Variants in TRPM1 observed in about 807,000 individuals in gnomAD.
The protein encoded by TRPM1 is transient receptor potential cation channel subfamily M member 1.
TRPM1 carries 113 observed loss-of-function variants against 149.4 expected under a neutral mutation model. The ratio of observed to expected loss-of-function variants is 0.76; its 90% CI spans 0.65 to 0.88. The LOEUF (loss-of-function observed/expected upper bound fraction) is 0.88. Among genes scored for constraint, TRPM1 ranks in the 40% least tolerant of loss-of-function variants. TRPM1 has a pLI of 0.00. For synonymous variants in TRPM1, 741 were observed against 759.5 expected, an observed-to-expected ratio of 0.98 and a Z score of 0.40; for missense variants, 1,976 against 2,038.7, an observed-to-expected ratio of 0.97 and a Z score of 0.59.
At chr15:31,048,083 T>C (rs2033832486) in intron 13 of TRPM1, 144 bp from the exon 14 acceptor site, 2 of 746,214 alleles carry the variant, frequency 2.7e-6, no homozygotes, top group Admixed American at 1.8e-5. Flanking sequence ...GCCAACATGG[T>C]GAAACCCCAT....
intron 1 of TRPM1, among the ~76,000 whole-genome samples, chr15:31,099,256 T>G (rs919108886): frequency 6.6e-6 from 1 of 152,178 alleles, no homozygotes; most frequent in African/African-American, 2.4e-5. Flanking sequence ...AACATGTCTC[T>G]TGCTACTGTC....
chr15:31,149,744 C>T (rs1332717807), intron 1 of TRPM1, among the ~76,000 whole-genome samples: 7 of 152,068 alleles, frequency 4.6e-5, no homozygotes, highest in South Asian at 2.1e-4. Context: ...TGGTCTCGAT[C>T]TCCTGACCTT....
In TRPM1 at chr15:31,068,744, C is replaced by CAAAAAAAAAA. The variant is rs60411633; in HGVS notation, c.280-662_280-653dup. ...GGGCAACAAGATCGAAACTCCAACT[C>CAAAAAAAAAA]AAAAAAAAAAAAAAAAAAAAAAAAA... On this transcript the variant is annotated intron_variant, in intron 4 of 27. Transcript: ENST00000256552. Among the ~76,000 whole-genome samples the CAAAAAAAAAA allele has an allele frequency of 2.7e-4, 16 of 60,204 alleles. 1 individual carries two copies. The highest frequency in any genetic ancestry group is 3.6e-4 in the Non-Finnish European group (12 of 33,542). The allele number at this position is 60,204 out of a possible 152,430, so 39.5% of individuals were successfully genotyped here. A position where few individuals can be genotyped will look rare whatever the true frequency, so the allele number is the denominator to read the frequency against.
intron 1 of TRPM1, among the ~76,000 whole-genome samples, chr15:31,090,816 AG>A: frequency 6.6e-6 from 1 of 152,108 alleles, no homozygotes; most frequent in Non-Finnish European, 1.5e-5. Flanking sequence ...CTTGGGCTTT[AG>A]ACGTACCTGA....
At chr15:31,122,824 T>C (rs1183642051) in intron 1 of TRPM1, among the ~76,000 whole-genome samples, 2 of 152,190 alleles carry the variant, frequency 1.3e-5, no homozygotes, top group African/African-American at 2.4e-5. Flanking sequence ...TCAGGGGGGA[T>C]ACTGACAAAC....
At chr15:31,107,093 G>A (rs1037060733) in intron 1 of TRPM1, among the ~76,000 whole-genome samples, 6 of 152,088 alleles carry the variant, frequency 3.9e-5, no homozygotes, top group African/African-American at 1.2e-4. Flanking sequence ...ATGACTCCCC[G>A]CCACTTATAT....
chr15:31,084,186 C>G (rs1164958499), intron 1 of TRPM1, among the ~76,000 whole-genome samples: 1 of 152,138 alleles, frequency 6.6e-6, no homozygotes, highest in Non-Finnish European at 1.5e-5. Flanking sequence ...TTTCTTTGTA[C>G]TTTCTTTTTT....
Position 31,031,172 on chromosome 15 carries a change from C to T in TRPM1, c.2953-15G>A, listed in dbSNP as rs1464194627. The T allele has an allele frequency of 6.2e-7, 1 of 1,614,088 alleles. No individual in the cohort carries two copies. Among genetic ancestry groups the T allele is most frequent in the African/African-American group, 1.3e-5 (1 of 74,918 alleles). On this transcript the variant is annotated splice_polypyrimidine_tract_variant and intron_variant, in intron 22 of 27. Transcript: ENST00000256552. ...ATGTCGATCATCTGAGTAAGGAGAA[C>T]ATTTGTCTCTCACTGTCTTGGCTTG...
At chr15:31,153,939 C>T (rs1335649079) in intron 1 of TRPM1, among the ~76,000 whole-genome samples, 1 of 152,196 alleles carries the variant, frequency 6.6e-6, no homozygotes, top group Non-Finnish European at 1.5e-5. Flanking sequence ...TCCTGCTTCC[C>T]AGGACTGGGG....
intron 14 of TRPM1, among the ~76,000 whole-genome samples, chr15:31,047,608 C>A (rs574962698): frequency 6.6e-6 from 1 of 152,200 alleles, no homozygotes; most frequent in Non-Finnish European, 1.5e-5. Context: ...CAGGCCACCC[C>A]CTTCCCCAAC....
intron 2 of TRPM1, among the ~76,000 whole-genome samples, chr15:31,077,971 T>C (rs1307942297): frequency 1.3e-5 from 2 of 152,082 alleles, no homozygotes; most frequent in Non-Finnish European, 2.9e-5. Context: ...TGCATGACTA[T>C]GACCTGTGTA....
At chr15:31,109,432 C>A (rs1338199775) in intron 1 of TRPM1, among the ~76,000 whole-genome samples, 5 of 150,560 alleles carry the variant, frequency 3.3e-5, no homozygotes, top group African/African-American at 1.2e-4. Flanking sequence ...TGCAGTGGCT[C>A]ACGCCTGTAA....
At chr15:31,079,050 A>G (rs377297368) in intron 2 of TRPM1, among the ~76,000 whole-genome samples, 10 of 152,340 alleles carry the variant, frequency 6.6e-5, no homozygotes, top group African/African-American at 2.4e-4. Context: ...GAAGGTCACA[A>G]TGAACCTTGT....
chr15:31,161,069 G>A (rs2036439426), exon 1 of TRPM1: 1 of 1,122,888 alleles, frequency 8.9e-7, no homozygotes, highest in Non-Finnish European at 1.3e-6. Context: ...ACACTCGGCG[G>A]CAGCCCCACA....
At chr15:31,047,277 C>G (rs200906252) in intron 14 of TRPM1, 26 bp from the exon 15 acceptor site, 3 of 1,614,034 alleles carry the variant, frequency 1.9e-6, no homozygotes, top group African/African-American at 2.7e-5. Flanking sequence ...GGTCTCAGGC[C>G]CTGTGAGAAT....
chr15:31,099,050 C>A (rs2035457540), intron 1 of TRPM1, among the ~76,000 whole-genome samples: 1 of 152,168 alleles, frequency 6.6e-6, no homozygotes, highest in Non-Finnish European at 1.5e-5. Context: ...TATGTGCTTT[C>A]TACAAGAGGC....
intron 1 of TRPM1, among the ~76,000 whole-genome samples, chr15:31,149,159 C>T (rs961808410): frequency 1.2e-4 from 18 of 152,136 alleles, no homozygotes; most frequent in African/African-American, 3.6e-4. Context: ...GCTGGGGAGG[C>T]CAGGCAAGAA....
At chr15:31,064,277 T>C (rs1320732840) in intron 7 of TRPM1, among the ~76,000 whole-genome samples, 1 of 152,170 alleles carries the variant, frequency 6.6e-6, no homozygotes, top group East Asian at 1.9e-4. Flanking sequence ...GTGCAGATCT[T>C]GGACGCAGCC....
chr15:31,148,085 T>A (rs1225608985), intron 1 of TRPM1, among the ~76,000 whole-genome samples: 1 of 152,188 alleles, frequency 6.6e-6, no homozygotes, highest in Non-Finnish European at 1.5e-5. Flanking sequence ...GCACAGAGAT[T>A]GTGCAGTTTG....
Sources: allele counts gnomAD v4.1 joint callset (sites outside exome capture counted in the v4.1 genomes callset), GRCh38; gene constraint gnomAD v4.1.1; transcripts MANE v1.5; gene names NCBI Gene and HGNC (gene_info 2026-07-23, HGNC 2026-07-21).